The following CFAP47 variants were observed in gnomAD, a reference collection of about 807,000 sequenced individuals.
CFAP47 encodes the protein cilia- and flagella-associated protein 47.
Under a neutral mutation model 148.1 loss-of-function variants are expected in CFAP47, and 29 were observed. That is an observed-to-expected ratio of 0.20 (90% CI 0.15 to 0.27). The LOEUF (loss-of-function observed/expected upper bound fraction) is 0.27, where lower values mean the gene tolerates loss of function less well. CFAP47 is among the 10% of genes least tolerant of loss of function. CFAP47 has a pLI of 1.00. For synonymous variants in CFAP47, 664 were observed against 577.3 expected, an observed-to-expected ratio of 1.15 and a Z score of -2.15; for missense variants, 1,872 against 1,697.5, an observed-to-expected ratio of 1.10 and a Z score of -1.81.
intron 39 of CFAP47, among the ~76,000 whole-genome samples, chrX:36,175,587 G>A (rs763270260): frequency 8.9e-6 from 1 of 112,089 alleles, no homozygotes; most frequent in African/African-American, 3.2e-5. Flanking sequence ...CCCTGCTGGG[G>A]TGGTGCCTCC....
At chrX:36,338,337 G>A (rs1941625822) in intron 57 of CFAP47, among the ~76,000 whole-genome samples, 1 of 110,884 alleles carries the variant, frequency 9.0e-6, no homozygotes, top group Admixed American at 9.6e-5. Context: ...CTATTTGAAA[G>A]CCTGACTGTA....
At chrX:36,324,096 T>A (rs1941499137) in intron 57 of CFAP47, among the ~76,000 whole-genome samples, 1 of 111,840 alleles carries the variant, frequency 8.9e-6, no homozygotes, top group Non-Finnish European at 1.9e-5. Flanking sequence ...CTTTGAAATG[T>A]TATCTTGTCT....
At chrX:35,927,478 A>AT (rs1199261896) in intron 2 of CFAP47, among the ~76,000 whole-genome samples, 13 of 110,331 alleles carry the variant, frequency 1.2e-4, no homozygotes, top group Non-Finnish European at 1.9e-4. Context: ...GAAAACAGAG[A>AT]TTTTTTTCTT....
At chrX:36,073,652 G>T (rs955984795) in intron 29 of CFAP47, among the ~76,000 whole-genome samples, 1 of 110,697 alleles carries the variant, frequency 9.0e-6, no homozygotes. Context: ...TATGAGGAAG[G>T]TTATACTGTG....
chrX:36,286,718 A>G (rs186865941), intron 51 of CFAP47, among the ~76,000 whole-genome samples: 2 of 111,493 alleles, frequency 1.8e-5, no homozygotes, highest in African/African-American at 6.5e-5. Context: ...CCCTTTATCA[A>G]GACGTAGAGA....
chrX:36,087,535 C>A (rs6632478), intron 30 of CFAP47, among the ~76,000 whole-genome samples: 12,516 of 111,761 alleles, frequency 0.11, 658 homozygotes, highest in East Asian at 0.27. Context: ...TTCAACTCCG[C>A]TGGCTTATCC....
At chrX:36,067,508 C>T (rs1262348354) in intron 27 of CFAP47, among the ~76,000 whole-genome samples, 1 of 111,032 alleles carries the variant, frequency 9.0e-6, no homozygotes, top group Non-Finnish European at 1.9e-5. Context: ...TTATCAAATC[C>T]ATTCACTTTT....
intron 49 of CFAP47, among the ~76,000 whole-genome samples, chrX:36,266,333 G>C (rs1940891593): frequency 1.8e-5 from 2 of 110,915 alleles, no homozygotes; most frequent in Admixed American, 9.5e-5. Flanking sequence ...CCACAGGTGG[G>C]ATGCACTCCA....
intron 26 of CFAP47, among the ~76,000 whole-genome samples, chrX:36,064,888 A>G (rs957726309): frequency 1.8e-5 from 2 of 112,118 alleles, no homozygotes; most frequent in Non-Finnish European, 3.8e-5. Flanking sequence ...CAATTTCACA[A>G]TGCTTTCATA....
At chrX:36,179,198 A>G (rs949665258) in intron 39 of CFAP47, 147 bp from the exon 40 acceptor site, 14 of 265,490 alleles carry the variant, frequency 5.3e-5, no homozygotes, top group African/African-American at 3.9e-4. Context: ...TTGCAGAATG[A>G]AAGCACATGG....
At chrX:36,014,482 A>AT (rs1245214378) in intron 21 of CFAP47, among the ~76,000 whole-genome samples, 2 of 110,516 alleles carry the variant, frequency 1.8e-5, no homozygotes, top group Non-Finnish European at 3.8e-5. Context: ...GATTACAAGG[A>AT]TTTTTTTTCC....
At chrX:36,233,118 A>T (rs1940393088) in intron 46 of CFAP47, among the ~76,000 whole-genome samples, 1 of 111,718 alleles carries the variant, frequency 9.0e-6, no homozygotes, top group Non-Finnish European at 1.9e-5. Context: ...AGTTCTGTAG[A>T]TGTCTATTAG....
chrX:36,180,093 A>C (rs1450311119), intron 40 of CFAP47, among the ~76,000 whole-genome samples: 1 of 111,552 alleles, frequency 9.0e-6, no homozygotes, highest in Non-Finnish European at 1.9e-5. Flanking sequence ...ATGAGTATTG[A>C]TTTTGGGGTT....
intron 19 of CFAP47, among the ~76,000 whole-genome samples, chrX:35,997,676 G>C (rs966060790): frequency 1.2e-4 from 13 of 111,208 alleles, no homozygotes; most frequent in African/African-American, 4.2e-4. Flanking sequence ...CCTTATAAGA[G>C]ATAACCACTT....
intron 4 of CFAP47, 35 bp downstream of exon 4, chrX:35,948,487 C>G: frequency 9.2e-7 from 1 of 1,085,524 alleles, no homozygotes; most frequent in Non-Finnish European, 1.3e-6. Context: ...AATTATAATA[C>G]AGATCTCAAT....
At position 35,967,744 on chromosome X, in the gene CFAP47, T is replaced by C. The variant is rs754340468; in HGVS notation, c.1726T>C (p.Cys576Arg). 2.0e-5 allele frequency: 24 copies of C among 1,207,173 alleles called. No homozygotes were observed. In the African/African-American group the frequency reaches 3.7e-4, roughly 19 times the overall value. Reference sequence around the variant, plus strand: ...GACACGCACTCACAATCATCGCTCATGTGAAGAGCCAGTGAAGGATATGCT... The same window carrying C: ...GACACGCACTCACAATCATCGCTCACGTGAAGAGCCAGTGAAGGATATGCT... ...AMTRTHNHRS[C>R]EEPVKDMLLA... Residue 576 changes from cysteine (C) to arginine (R), a missense_variant, in exon 10 of 64, where the codon TGT becomes CGT. By Grantham distance (180) the Cys-to-Arg change is radical. Transcript: ENST00000378653.
intron 1 of CFAP47, among the ~76,000 whole-genome samples, chrX:35,925,440 AAAT>A (rs1489305162): frequency 8.9e-6 from 1 of 111,815 alleles, no homozygotes; most frequent in Non-Finnish European, 1.9e-5. Flanking sequence ...TTCCCAGTAC[AAAT>A]AAATAAGTGA....
At chrX:35,924,526 T>C (rs1023295192) in intron 1 of CFAP47, among the ~76,000 whole-genome samples, 3 of 97,492 alleles carry the variant, frequency 3.1e-5, no homozygotes, top group African/African-American at 1.4e-4. Flanking sequence ...TGTGTATATA[T>C]GCACATATAT....
At chrX:36,026,962 G>A (rs1045128801) in intron 22 of CFAP47, among the ~76,000 whole-genome samples, 9 of 108,088 alleles carry the variant, frequency 8.3e-5, no homozygotes, top group Non-Finnish European at 1.7e-4. Flanking sequence ...TTAGAAATCT[G>A]TTATTTTTCT....
Sources: gnomAD v4.1 joint callset for allele counts (sites outside exome capture counted in the v4.1 genomes callset) on GRCh38, gnomAD v4.1.1 for gene constraint, MANE v1.5 for transcripts, NCBI Gene and HGNC (gene_info 2026-07-23, HGNC 2026-07-21) for gene names.